RYR2: variants seen among roughly 807,000 people sequenced by gnomAD.
The protein encoded by RYR2 is ryanodine receptor 2, also known as cardiac muscle ryanodine receptor-calcium release channel.
In RYR2, 227 loss-of-function variants were observed where a neutral mutation model predicts 601.1. That is an observed-to-expected ratio of 0.38 (90% CI 0.34 to 0.42). RYR2 has a LOEUF of 0.42. Among genes scored for constraint, RYR2 ranks in the 10% least tolerant of loss-of-function variants. The pLI, the probability that RYR2 is intolerant of heterozygous loss-of-function variation, is 1.00. For missense variants in RYR2, 4,646 were observed against 6,156.5 expected, an observed-to-expected ratio of 0.75 and a Z score of 8.21; for synonymous variants, 2,223 against 2,175.1, an observed-to-expected ratio of 1.02 and a Z score of -0.61.
chr1:237,527,492 A>G (rs1667711473), intron 24 of RYR2, among the ~76,000 whole-genome samples: 1 of 152,100 alleles, frequency 6.6e-6, no homozygotes, highest in Non-Finnish European at 1.5e-5. Flanking sequence ...ATTTCTTTTT[A>G]CCCTTAACCT....
At chr1:237,464,481 C>CT (rs1417104196) in intron 16 of RYR2, among the ~76,000 whole-genome samples, 5 of 151,694 alleles carry the variant, frequency 3.3e-5, no homozygotes, top group African/African-American at 7.3e-5. Flanking sequence ...GGACATGGCC[C>CT]TTTTTTTTCC....
chr1:237,317,593 G>C (rs1695233464), intron 2 of RYR2, among the ~76,000 whole-genome samples: 1 of 152,056 alleles, frequency 6.6e-6, no homozygotes, highest in Non-Finnish European at 1.5e-5. Flanking sequence ...GGGTTACTTG[G>C]TGTTTCCAAT....
At chr1:237,068,108 A>G (rs1663877481) in intron 1 of RYR2, among the ~76,000 whole-genome samples, 1 of 151,042 alleles carries the variant, frequency 6.6e-6, no homozygotes, top group Non-Finnish European at 1.5e-5. Context: ...CAATCTCAGA[A>G]TAGATAGCAC....
intron 54 of RYR2, among the ~76,000 whole-genome samples, chr1:237,658,485 G>A (rs187949317): frequency 1.8e-4 from 27 of 152,156 alleles, no homozygotes; most frequent in Non-Finnish European, 3.5e-4. Context: ...TGGAACTACC[G>A]GGCTCGAGCA....
At chr1:237,222,449 G>A (rs1683925364) in intron 1 of RYR2, among the ~76,000 whole-genome samples, 1 of 150,844 alleles carries the variant, frequency 6.6e-6, no homozygotes, top group African/African-American at 2.4e-5. Context: ...CAGTGGACTT[G>A]TTGGTGCATA....
intron 10 of RYR2, among the ~76,000 whole-genome samples, chr1:237,411,328 A>G (rs1264405457): frequency 3.9e-5 from 6 of 152,158 alleles, no homozygotes; most frequent in Middle Eastern, 3.2e-3. Context: ...GAATTGCAGG[A>G]GGAGGCTAGC....
chr1:237,767,566 T>C (rs1693938340), intron 84 of RYR2, among the ~76,000 whole-genome samples: 2 of 152,188 alleles, frequency 1.3e-5, no homozygotes, highest in African/African-American at 4.8e-5. Flanking sequence ...TTTAGCTAAG[T>C]TACAGGATTA....
intron 27 of RYR2, among the ~76,000 whole-genome samples, chr1:237,556,435 G>A (rs897091866): frequency 6.6e-6 from 1 of 150,928 alleles, no homozygotes; most frequent in Admixed American, 6.6e-5. Flanking sequence ...CGAGTAGCTG[G>A]GACTACATGC....
chr1:237,502,676 T>C (rs1664785950), intron 21 of RYR2, among the ~76,000 whole-genome samples: 2 of 152,108 alleles, frequency 1.3e-5, no homozygotes, highest in Non-Finnish European at 2.9e-5. Flanking sequence ...GGTAATGCTC[T>C]CTTGCCCACA....
At chr1:237,793,183 C>A (rs1658669214) in intron 94 of RYR2, among the ~76,000 whole-genome samples, 1 of 152,188 alleles carries the variant, frequency 6.6e-6, no homozygotes, top group South Asian at 2.1e-4. Context: ...GAGTAAAAGA[C>A]TAGAATGTAA....
intron 98 of RYR2, 147 bp from the exon 99 acceptor site, chr1:237,805,989 TC>T (rs1660594188): frequency 1.6e-6 from 1 of 644,626 alleles, no homozygotes; most frequent in African/African-American, 1.8e-5. Context: ...ACTTTTTACT[TC>T]CATGAGATTA....
chr1:237,133,751 C>A (rs1351568158), intron 1 of RYR2, among the ~76,000 whole-genome samples: 4 of 151,932 alleles, frequency 2.6e-5, no homozygotes, highest in Admixed American at 6.6e-5. Context: ...CATGGTGAAA[C>A]CCCGTCTCTA....
At chr1:237,397,181 T>A (rs573551053) in intron 10 of RYR2, among the ~76,000 whole-genome samples, 1 of 151,092 alleles carries the variant, frequency 6.6e-6, no homozygotes, top group African/African-American at 2.4e-5. Context: ...GAGATTGCAG[T>A]GAGCTGAGGT....
At chr1:237,393,408 G>A (rs2149880417) in intron 10 of RYR2, among the ~76,000 whole-genome samples, 1 of 152,296 alleles carries the variant, frequency 6.6e-6, no homozygotes, top group East Asian at 1.9e-4. Flanking sequence ...GATAAGGCAT[G>A]AGATGGATTG....
chr1:237,832,506 C>A, intron 104 of RYR2, 46 bp from the exon 105 acceptor site: 3 of 1,274,520 alleles, frequency 2.4e-6, no homozygotes, highest in South Asian at 1.3e-5. Flanking sequence ...GTTTTGTTAG[C>A]ACACACTTTG....
chr1:237,201,477 A>G (rs1219081435), intron 1 of RYR2, among the ~76,000 whole-genome samples: 1 of 152,188 alleles, frequency 6.6e-6, no homozygotes, highest in East Asian at 1.9e-4. Context: ...TTTTCTGGCC[A>G]TTCCAGGGAA....
At chr1:237,499,818 G>A (rs1664443823) in intron 20 of RYR2, among the ~76,000 whole-genome samples, 1 of 152,140 alleles carries the variant, frequency 6.6e-6, no homozygotes, top group South Asian at 2.1e-4. Context: ...CAAGTTGAAG[G>A]TTTTGTTTAT....
intron 58 of RYR2, among the ~76,000 whole-genome samples, chr1:237,671,414 T>A (rs971067405): frequency 1.3e-5 from 2 of 152,068 alleles, no homozygotes; most frequent in African/African-American, 4.8e-5. Context: ...CCAACAGTTG[T>A]AGGCAGTTGC....
At chr1:237,238,407 TA>T (rs1437111052) in intron 1 of RYR2, among the ~76,000 whole-genome samples, 1 of 152,208 alleles carries the variant, frequency 6.6e-6, no homozygotes, top group Non-Finnish European at 1.5e-5. Context: ...GGTCCTTCTG[TA>T]ACTTCTGTCC....
Sources: gnomAD v4.1 joint callset for allele counts (sites outside exome capture counted in the v4.1 genomes callset) on GRCh38, gnomAD v4.1.1 for gene constraint, MANE v1.5 for transcripts, NCBI Gene and HGNC (gene_info 2026-07-23, HGNC 2026-07-21) for gene names.